Variants in LSG1 observed in about 807,000 individuals in gnomAD.
The protein encoded by LSG1 is large 60S subunit nuclear export GTPase 1.
In LSG1, 55 loss-of-function variants were observed where a neutral mutation model predicts 82.6. The observed-to-expected ratio is 0.67, with a 90% CI of 0.54 to 0.83. The LOEUF is 0.83. LSG1 is among the 40% of genes least tolerant of loss of function. The pLI, the probability that LSG1 is intolerant of heterozygous loss-of-function variation, is 0.00. For synonymous variants in LSG1, 272 were observed against 282.5 expected (o/e 0.96, Z 0.37); for missense variants, 809 against 807.9 (o/e 1.00, Z -0.02).
intron 12 of LSG1, among the ~76,000 whole-genome samples, chr3:194,645,559 C>G (rs9815181): frequency 0.035 from 1,618 of 46,746 alleles, 112 homozygotes; most frequent in Non-Finnish European, 0.053. Flanking sequence ...CACACACACA[C>G]ACACACACAC....
In LSG1 at chr3:194,651,829, C is replaced by CA. The variant is rs543797042; in HGVS notation, c.1174-614dup. Among the ~76,000 whole-genome samples the CA allele has an allele frequency of 3.3e-5, 5 of 152,302 alleles. No individual in the cohort carries two copies. In the East Asian group the frequency reaches 9.6e-4, roughly 29 times the overall value. On this transcript the variant is annotated intron_variant, in intron 8 of 13. Transcript: ENST00000265245. ...AGCTTTAAAGCTCAGAGACATTAAG[C>CA]AACTTTCCCCGTGTTCCTAACAAGT...
At chr3:194,667,967 A>G (rs1033270369) in intron 2 of LSG1, among the ~76,000 whole-genome samples, 1 of 134,782 alleles carries the variant, frequency 7.4e-6, no homozygotes, top group African/African-American at 2.8e-5. Context: ...ATATATATAT[A>G]TAGCTTTACT....
At chr3:194,652,695 C>T (rs556290168) in intron 8 of LSG1, 34 bp downstream of exon 8, 101 of 1,581,916 alleles carry the variant, frequency 6.4e-5, no homozygotes, top group African/African-American at 6.7e-5. Context: ...AAGACAATCA[C>T]GTGGTAACAA....
chr3:194,661,835 A>T (rs144159008), intron 5 of LSG1, among the ~76,000 whole-genome samples: 1 of 152,244 alleles, frequency 6.6e-6, no homozygotes, highest in Non-Finnish European at 1.5e-5. Context: ...GAAATATCAC[A>T]TAACAAAAAT....
At chr3:194,664,082 C>T (rs1718985094) in intron 5 of LSG1, among the ~76,000 whole-genome samples, 1 of 151,636 alleles carries the variant, frequency 6.6e-6, no homozygotes. Flanking sequence ...AAGTGATTCT[C>T]CTGCCTCAGC....
At chr3:194,656,699 G>A (rs1207727579) in intron 7 of LSG1, among the ~76,000 whole-genome samples, 9 of 151,626 alleles carry the variant, frequency 5.9e-5, no homozygotes, top group East Asian at 3.9e-4. Flanking sequence ...ACATGCACAC[G>A]TATGTTTATT....
Position 194,651,171 on chromosome 3 carries a change from T to C in LSG1, c.1219A>G (p.Met407Val), listed in dbSNP as rs771766146. 3.1e-6 allele frequency: 5 copies of C among 1,614,092 alleles called. No individual in the cohort carries two copies. The highest frequency in any genetic ancestry group is 3.3e-5 in the Admixed American group (2 of 60,008). ...VGKSSTINTIMGNKKVSVSAT... is the reference protein window; with the variant it reads ...VGKSSTINTIVGNKKVSVSAT... ...GACACAGATACTTTCTTGTTGCCCA[T>C]GATGGTGTTGATTGTTGAACTCTTA... Residue 407 changes from methionine to valine, a missense_variant, in exon 9 of 14, where the codon ATG (methionine) becomes GTG (valine). Met to Val is a conservative substitution (Grantham distance 21). Coordinates refer to ENST00000265245, the MANE Select transcript of LSG1 (RefSeq NM_018385.3).
At chr3:194,670,305 T>G (rs1224009437) in intron 1 of LSG1, among the ~76,000 whole-genome samples, 170 bp from the exon 2 acceptor site, 1 of 152,252 alleles carries the variant, frequency 6.6e-6, no homozygotes, top group African/African-American at 2.4e-5. Context: ...TACCTCACAA[T>G]AGGCAGTTCC....
intron 5 of LSG1, chr3:194,660,806 A>G (rs1577257803): frequency 2.2e-6 from 1 of 455,452 alleles, no homozygotes; most frequent in East Asian, 6.9e-5. Flanking sequence ...AAGAAAGTAC[A>G]GCAATAAGAT....
chr3:194,655,548 TAA>T (rs1297071492), intron 7 of LSG1, among the ~76,000 whole-genome samples: 2 of 152,174 alleles, frequency 1.3e-5, no homozygotes, highest in Non-Finnish European at 2.9e-5. Flanking sequence ...GTAAAATATG[TAA>T]AGTGTTTAGA....
chr3:194,660,266 A>T (rs1157399610), intron 5 of LSG1, 133 bp from the exon 6 acceptor site: 4 of 717,180 alleles, frequency 5.6e-6, no homozygotes, highest in Non-Finnish European at 9.9e-6. Context: ...TTAAGGTATA[A>T]TTATTCCCGG....
chr3:194,644,393 AATAAAT>A (rs1718471958), intron 13 of LSG1, among the ~76,000 whole-genome samples, 174 bp downstream of exon 13: 1 of 128,564 alleles, frequency 7.8e-6, no homozygotes, highest in East Asian at 2.4e-4. Flanking sequence ...AAAATAAATA[AATAAAT>A]AAATAAATAA....
At position 194,658,971 on chromosome 3, in the gene LSG1, T is replaced by C; in HGVS notation, c.745A>G (p.Asn249Asp). Residue 249 changes from asparagine (N) to aspartate (D), a missense_variant, in exon 7 of 14, where the codon AAT becomes GAT. Transcript: ENST00000265245. ...WSALAGAIPL[N>D]GDSEEEANRD... The stretch of plus-strand genomic sequence containing the variant: ...CCTCAGGTTACCTCAGAGTCACCAT[T>C]CAGGGGAATGGCTCCGGCCAAAGCT... 6.2e-7 allele frequency: 1 copy of C among 1,613,910 alleles called. No homozygotes were observed. The highest frequency in any genetic ancestry group is 8.5e-7 in the Non-Finnish European group (1 of 1,179,864).
At chr3:194,658,925 T>C in intron 7 of LSG1, 32 bp downstream of exon 7, 1 of 1,566,026 alleles carries the variant, frequency 6.4e-7, no homozygotes, top group East Asian at 2.3e-5. Context: ...ATTCCCTCTT[T>C]GAAAGCCAAC....
At position 194,645,575 on chromosome 3, in the gene LSG1, G is replaced by GACAGACAC. The variant is rs1718525935; in HGVS notation, c.1623+588_1623+589insGTGTCTGT. Among the ~76,000 whole-genome samples the GACAGACAC allele has an allele frequency of 3.5e-4, 7 of 20,140 alleles. 1 individual carries two copies. Among genetic ancestry groups the GACAGACAC allele is most frequent in the African/African-American group, 8.8e-4 (7 of 7,996 alleles). 13.2% of individuals were successfully genotyped at this position (20,140 alleles called of 152,430 possible). Reference sequence around the variant, plus strand: ...ACACACACACACACACACACAGACAGACACACACACACACACACACACACA... The same window carrying GACAGACAC: ...ACACACACACACACACACACAGACAGACAGACACACACACACACACACACACACACACA... On this transcript the variant is annotated intron_variant, in intron 12 of 13. Coordinates refer to ENST00000265245, the MANE Select transcript of LSG1 (RefSeq NM_018385.3).
intron 2 of LSG1, 98 bp downstream of exon 2, chr3:194,669,911 A>G (rs1719109125): frequency 3.6e-6 from 5 of 1,399,992 alleles, no homozygotes; most frequent in Admixed American, 2.2e-5. Context: ...AGCCTGGGTG[A>G]CAGAGCGAGA....
Position 194,642,108 on chromosome 3 carries a change from T to C in LSG1, c.1937A>G (p.Lys646Arg). The C allele has an allele frequency of 1.2e-6, 2 of 1,613,450 alleles. No individual in the cohort carries two copies. The highest frequency in any genetic ancestry group is 1.7e-6 in the Non-Finnish European group (2 of 1,180,018). Residue 646 changes from lysine (K) to arginine (R), a missense_variant, in exon 14 of 14, where the codon AAA becomes AGA. Physicochemically the swap from Lys to Arg is conservative, Grantham distance 26 (BLOSUM62 2). Transcript: ENST00000265245. ...PWKKHGNRNK[K>R]EKSRRLYKHL... ...CTTGTAGAGTCTACGACTTTTTTCT[T>C]TTTTATTTCTGTTGCCATGTTTTTT...
At position 194,642,066 on chromosome 3, in the gene LSG1, C is replaced by T; in HGVS notation, c.*2G>A. ...AGATGACATTTCTGTTGCAGCCCAA[C>T]CTCACATATCCAGGTGCTTGTAGAG... On this transcript the variant is annotated 3_prime_UTR_variant, in exon 14 of 14. Transcript: ENST00000265245. The T allele has an allele frequency of 6.2e-7, 1 of 1,611,638 alleles. No homozygotes were observed. The highest frequency in any genetic ancestry group is 2.2e-5 in the East Asian group (1 of 44,874).
At position 194,645,495 on chromosome 3, in the gene LSG1, T is replaced by TACACACAC. The variant is rs56936610; in HGVS notation, c.1623+661_1623+668dup. 31 of 62,032 alleles carry TACACACAC rather than the reference T, an allele frequency of 5.0e-4. 1 individual carries two copies. The highest frequency in any genetic ancestry group is 1.3e-3 in the South Asian group (2 of 1,530). 3.8% of individuals were successfully genotyped at this position (62,032 alleles called of 1,614,324 possible). A position where few individuals can be genotyped will look rare whatever the true frequency, so the allele number is the denominator to read the frequency against. On this transcript the variant is annotated intron_variant, in intron 12 of 13. Coordinates refer to ENST00000265245, the MANE Select transcript of LSG1 (RefSeq NM_018385.3). ...ATGTGCCAGGCATTGAGCTTAGTGC[T>TACACACAC]ACACACACACACACACACACACACA...
Sources: gnomAD v4.1 joint callset for allele counts (sites outside exome capture counted in the v4.1 genomes callset) on GRCh38, gnomAD v4.1.1 for gene constraint, MANE v1.5 for transcripts, NCBI Gene and HGNC (gene_info 2026-07-23, HGNC 2026-07-21) for gene names.